Variants in BIRC6 observed in about 807,000 individuals in gnomAD.
BIRC6 encodes the protein baculoviral IAP repeat containing 6.
Under a neutral mutation model 503.3 loss-of-function variants are expected in BIRC6, and 98 were observed. That is an observed-to-expected ratio of 0.19 (90% CI 0.17 to 0.23). The LOEUF (loss-of-function observed/expected upper bound fraction) is 0.23. Among genes scored for constraint, BIRC6 ranks in the 10% least tolerant of loss-of-function variants. The pLI is 1.00. For synonymous variants in BIRC6, 2,240 were observed against 2,078.7 expected, an observed-to-expected ratio of 1.08 and a Z score of -2.11; for missense variants, 5,360 against 5,806.0, an observed-to-expected ratio of 0.92 and a Z score of 2.50.
chr2:32,539,848 A>G (rs1466872328), intron 61 of BIRC6, among the ~76,000 whole-genome samples: 1 of 152,120 alleles, frequency 6.6e-6, no homozygotes, highest in Non-Finnish European at 1.5e-5. Flanking sequence ...AAAGAGAAAC[A>G]AGAAAGTCGT....
rs541290935 is a variant in BIRC6, at chr2:32,617,974, G to GT, written c.*71dup. The GT allele has an allele frequency of 3.6e-4, 514 of 1,412,978 alleles. 4 individuals carry two copies. In the South Asian group the frequency reaches 6.6e-3, roughly 18 times the overall value. 87.5% of individuals were successfully genotyped at this position (1,412,978 alleles called of 1,614,324 possible). A position where few individuals can be genotyped will look rare whatever the true frequency, so the allele number is the denominator to read the frequency against. ...AAGCCAAATATGTCAATATTTGTAT[G>GT]TAAGAAACTAATTATGTAATAGGTA... On this transcript the variant is annotated 3_prime_UTR_variant, in exon 74 of 74. Transcript: ENST00000421745.
rs1022796315 is a variant in BIRC6 at position 32,503,031 on chromosome 2, T to C, written c.9305-11T>C. ...GAGATCGATTTCATTTCATATTCTT[T>C]ATAAATTTAGGTGGTGTTCAGCTCA... On this transcript the variant is annotated splice_polypyrimidine_tract_variant and intron_variant, in intron 48 of 73. Coordinates refer to ENST00000421745, the MANE Select transcript of BIRC6 (RefSeq NM_016252.4). 5 of 1,562,420 alleles carry C rather than the reference T, an allele frequency of 3.2e-6. No homozygotes were observed. Among genetic ancestry groups the C allele is most frequent in the Non-Finnish European group, 4.3e-6 (5 of 1,153,078 alleles).
intron 59 of BIRC6, 130 bp from the exon 60 acceptor site, chr2:32,529,520 AT>A (rs1291373680): frequency 1.2e-6 from 1 of 826,612 alleles, no homozygotes; most frequent in African/African-American, 1.8e-5. Context: ...TGGCTGTTGA[AT>A]TTTTTAATTG....
intron 45 of BIRC6, among the ~76,000 whole-genome samples, chr2:32,497,160 G>T (rs966464737): frequency 6.6e-6 from 1 of 152,150 alleles, no homozygotes; most frequent in African/African-American, 2.4e-5. Context: ...TCTTTCATCT[G>T]TTCATACGTT....
At chr2:32,467,036 G>A (rs1015071554) in intron 26 of BIRC6, among the ~76,000 whole-genome samples, 5 of 151,468 alleles carry the variant, frequency 3.3e-5, no homozygotes, top group South Asian at 4.2e-4. Context: ...GGAGAAAGGC[G>A]TGAACCCAGG....
chr2:32,381,082 C>G (rs1042619453), intron 3 of BIRC6, among the ~76,000 whole-genome samples: 1 of 152,110 alleles, frequency 6.6e-6, no homozygotes, highest in Non-Finnish European at 1.5e-5. Flanking sequence ...CTAAGTTATA[C>G]TGCATATCAA....
At chr2:32,579,685 T>C (rs1299060302) in intron 66 of BIRC6, among the ~76,000 whole-genome samples, 2 of 152,094 alleles carry the variant, frequency 1.3e-5, no homozygotes, top group African/African-American at 4.8e-5. Context: ...TGAGACCCAC[T>C]CTGCATGTGT....
At chr2:32,379,947 C>G (rs1345342840) in intron 2 of BIRC6, among the ~76,000 whole-genome samples, 2 of 152,128 alleles carry the variant, frequency 1.3e-5, no homozygotes, top group Non-Finnish European at 1.5e-5. Context: ...TATTTCTACA[C>G]TGAATACATT....
chr2:32,375,316 C>G (rs1283438958), intron 1 of BIRC6, among the ~76,000 whole-genome samples: 1 of 152,082 alleles, frequency 6.6e-6, no homozygotes, highest in Non-Finnish European at 1.5e-5. Flanking sequence ...GAGCATACAT[C>G]CTTGTCTTGT....
intron 55 of BIRC6, among the ~76,000 whole-genome samples, chr2:32,516,770 CT>C (rs1384999980): frequency 1.3e-5 from 2 of 151,832 alleles, no homozygotes; most frequent in Non-Finnish European, 2.9e-5. Flanking sequence ...CCAAATTTTG[CT>C]TTTGGTTACC....
At chr2:32,560,077 C>G (rs2059060061) in intron 65 of BIRC6, among the ~76,000 whole-genome samples, 1 of 152,126 alleles carries the variant, frequency 6.6e-6, no homozygotes, top group South Asian at 2.1e-4. Context: ...AGGTTCCAGA[C>G]ATAGGCATAG....
chr2:32,379,862 T>G (rs2037368150), intron 2 of BIRC6, among the ~76,000 whole-genome samples: 2 of 152,062 alleles, frequency 1.3e-5, no homozygotes, highest in African/African-American at 4.8e-5. Context: ...TTTTTGCTTA[T>G]GGTTTCAGCT....
intron 1 of BIRC6, 59 bp from the exon 2 acceptor site, chr2:32,377,529 A>G: frequency 2.9e-6 from 4 of 1,387,448 alleles, no homozygotes; most frequent in Non-Finnish European, 2.9e-6. Flanking sequence ...GTAAACATTT[A>G]TTTTTAATAG....
rs1184939793 is a variant in BIRC6 at position 32,416,157 on chromosome 2, A to T, written c.2866A>T (p.Thr956Ser). 2 of 1,587,280 alleles carry T rather than the reference A, an allele frequency of 1.3e-6. No homozygotes were observed. Reference sequence around the variant, plus strand: ...TGGCACAGACAGGCTGTGTGCATGCACCAAAGGTAAGTTGTCTGATTATGC... The same window carrying T: ...TGGCACAGACAGGCTGTGTGCATGCTCCAAAGGTAAGTTGTCTGATTATGC... The part of the protein sequence containing the change: ...CSGTDRLCAC[T>S]KGGELHFLQI... Residue 956 changes from threonine (T) to serine (S), a missense_variant, in exon 10 of 74, where the codon ACC becomes TCC. This residue lies in a region of BIRC6 where 700 missense variants were observed against 739.3 expected (regional missense o/e 0.95). Coordinates refer to ENST00000421745, the MANE Select transcript of BIRC6 (RefSeq NM_016252.4).
chr2:32,358,540 C>T (rs899172060), intron 1 of BIRC6, among the ~76,000 whole-genome samples: 2 of 152,154 alleles, frequency 1.3e-5, no homozygotes, highest in Admixed American at 6.5e-5. Context: ...GTGAATCGGA[C>T]TCCTGCATAG....
intron 34 of BIRC6, 80 bp downstream of exon 34, chr2:32,476,424 A>G (rs986801290): frequency 3.5e-6 from 5 of 1,422,826 alleles, no homozygotes; most frequent in Middle Eastern, 1.9e-4. Flanking sequence ...AGAAACTTAA[A>G]TATACATTAC....
chr2:32,423,865 A>G (rs1242402220), intron 10 of BIRC6, among the ~76,000 whole-genome samples: 1 of 152,174 alleles, frequency 6.6e-6, no homozygotes, highest in Non-Finnish European at 1.5e-5. Context: ...CAGCATCTCC[A>G]TGCTGTATAC....
At chr2:32,525,131 C>T (rs1203009826) in intron 58 of BIRC6, 112 bp downstream of exon 58, 7 of 960,184 alleles carry the variant, frequency 7.3e-6, no homozygotes, top group East Asian at 3.1e-5. Context: ...AAAGCTGACT[C>T]GTAATGATGT....
chr2:32,593,510 GT>G (rs766363977), intron 66 of BIRC6, among the ~76,000 whole-genome samples: 25 of 151,344 alleles, frequency 1.7e-4, no homozygotes, highest in East Asian at 9.7e-4. Flanking sequence ...TCTAAAATAT[GT>G]TTTTTTTTCT....
Sources: allele counts gnomAD v4.1 joint callset (sites outside exome capture counted in the v4.1 genomes callset), GRCh38; gene constraint gnomAD v4.1.1; regional missense constraint gnomAD v4.1.1; transcripts MANE v1.5; gene names NCBI Gene and HGNC (gene_info 2026-07-23, HGNC 2026-07-21).